Variants in RETREG3 observed in about 807,000 individuals in gnomAD.
RETREG3 encodes reticulophagy regulator family member 3, also known as reticulophagy regulator 3.
RETREG3 carries 23 observed loss-of-function variants against 50.2 expected under a neutral mutation model. That is an observed-to-expected ratio of 0.46 (90% CI 0.33 to 0.65). The LOEUF (loss-of-function observed/expected upper bound fraction) is 0.65, where lower values mean the gene tolerates loss of function less well. Ranked by LOEUF, RETREG3 falls within the 30% of genes least tolerant of loss-of-function variation. The probability of loss-of-function intolerance (pLI) is 0.02; values close to 1 mark genes in which losing one functional copy is unlikely to be tolerated. For missense variants in RETREG3, 546 were observed against 598.0 expected, an observed-to-expected ratio of 0.91 and a Z score of 0.91; for synonymous variants, 240 against 234.4, an observed-to-expected ratio of 1.02 and a Z score of -0.22.
At position 42,603,976 on chromosome 17, in the gene RETREG3, C is replaced by CA. The variant is rs771641680; in HGVS notation, c.239+5109dup. On this transcript the variant is annotated intron_variant, in intron 1 of 8. Coordinates refer to ENST00000309428, the MANE Select transcript of RETREG3 (RefSeq NM_178126.4). ...TGGGCGACAGAGCGAGACTCCGTCT[C>CA]AAAAAAAAAAAAAAGAAAAGAAATC... Among the ~76,000 whole-genome samples the CA allele has an allele frequency of 2.3e-3, 252 of 111,800 alleles. 2 individuals carry two copies. The highest frequency in any genetic ancestry group is 0.01 in the Middle Eastern group (2 of 194). 73.3% of individuals were successfully genotyped at this position (111,800 alleles called of 152,430 possible). A position where few individuals can be genotyped will look rare whatever the true frequency, so the allele number is the denominator to read the frequency against.
chr17:42,582,562 A>G (rs1014523139), intron 8 of RETREG3, 112 bp downstream of exon 8: 10 of 1,502,858 alleles, frequency 6.7e-6, no homozygotes, highest in Non-Finnish European at 8.1e-6. Context: ...CTGCCGCCTG[A>G]TCCATAGCTC....
chr17:42,607,629 A>AC (rs2093170528), intron 1 of RETREG3, among the ~76,000 whole-genome samples: 1 of 151,536 alleles, frequency 6.6e-6, no homozygotes, highest in Non-Finnish European at 1.5e-5. Context: ...ACATGGAGAA[A>AC]CCCCATCTCT....
chr17:42,583,595 CAA>C lies in RETREG3; in HGVS notation c.728-17_728-16del. 3 of 1,610,746 alleles carry C rather than the reference CAA, an allele frequency of 1.9e-6. No individual in the cohort carries two copies. Among genetic ancestry groups the C allele is most frequent in the African/African-American group, 1.3e-5 (1 of 74,948 alleles). On this transcript the variant is annotated splice_polypyrimidine_tract_variant and intron_variant, in intron 6 of 8. Coordinates refer to ENST00000309428, the MANE Select transcript of RETREG3 (RefSeq NM_178126.4). Reference sequence around the variant, plus strand: ...TCTGCGGCGTACTGTGGGAAGAGCACAAAGTCTTGCTTGATACCTTCTCCCAG... The same window carrying C: ...TCTGCGGCGTACTGTGGGAAGAGCACAGTCTTGCTTGATACCTTCTCCCAG...
At chr17:42,588,877 G>T (rs2093126650) in intron 2 of RETREG3, among the ~76,000 whole-genome samples, 1 of 152,058 alleles carries the variant, frequency 6.6e-6, no homozygotes, top group Admixed American at 6.5e-5. Context: ...GGCTGGTCTT[G>T]AACTCCTGAC....
chr17:42,587,577 C>T (rs1220801153), intron 3 of RETREG3: 1 of 449,214 alleles, frequency 2.2e-6, no homozygotes, highest in Non-Finnish European at 4.1e-6. Context: ...AATAATGCAG[C>T]TGATTCCCTG....
intron 1 of RETREG3, 192 bp downstream of exon 1, chr17:42,608,894 G>C (rs1283663301): frequency 1.7e-6 from 1 of 597,456 alleles, no homozygotes; most frequent in East Asian, 2.9e-5. Flanking sequence ...AGAGAAGATG[G>C]GTGGACGGCC....
At position 42,582,729 on chromosome 17, in the gene RETREG3, G is replaced by A. The variant is rs1293720470; in HGVS notation, c.888C>T (p.Asp296=). Reference sequence around the variant, plus strand: ...CCCTTGAAAGATTGAATGTGCCATTGTCTGTACAGGAGACTTCAGCGTCTG... The same window carrying A: ...CCCTTGAAAGATTGAATGTGCCATTATCTGTACAGGAGACTTCAGCGTCTG... ...EHSDAEVSCT[D]NGTFNLSRGQ... is the part of the protein sequence containing the mutation. Residue 296 remains aspartate (D), a synonymous_variant, in exon 8 of 9, where the codon GAC becomes GAT. Transcript: ENST00000309428. 1 of 1,614,252 alleles carries A rather than the reference G, an allele frequency of 6.2e-7. No homozygotes were observed. The highest frequency in any genetic ancestry group is 1.7e-5 in the Admixed American group (1 of 60,032).
At chr17:42,596,359 CAAAAAAAAAAAAAAAAAAAAAAAA>C (rs60457978) in intron 1 of RETREG3, among the ~76,000 whole-genome samples, 32 of 64,710 alleles carry the variant, frequency 4.9e-4, no homozygotes, top group Non-Finnish European at 6.6e-4. Flanking sequence ...GACCCTTTCT[CAAAAAAAAAAAAAAAAAAAAAAAA>C]AAAAAAAAAA....
rs148877628 is a variant in RETREG3, at chr17:42,586,860, C to T, written c.409G>A (p.Val137Met). 29 of 1,613,930 alleles carry T rather than the reference C, an allele frequency of 1.8e-5. No homozygotes were observed. The highest frequency in any genetic ancestry group is 1.7e-4 in the Middle Eastern group (1 of 6,044). ...GCTACATGGTGGCAGAGCTCGGGCA[C>T]GCTGAGCAACCGAGGGTGCACAAAG... ...WGFVHPRLLSVPELCHHVAEV... is the reference protein window; with the variant it reads ...WGFVHPRLLSMPELCHHVAEV... The change falls in exon 4 of 9, where the codon GTG becomes ATG. Residue 137 changes from valine to methionine, a missense_variant. Val to Met is a conservative substitution (Grantham distance 21, BLOSUM62 1). Transcript: ENST00000309428.
intron 1 of RETREG3, among the ~76,000 whole-genome samples, chr17:42,598,107 G>A (rs1407638255): frequency 6.8e-6 from 1 of 147,866 alleles, no homozygotes. Flanking sequence ...TCAGCCTCCC[G>A]AGTAGCTGGG....
rs761075391 is a variant in RETREG3 at position 42,609,108 on chromosome 17, G to A, written c.217C>T (p.Leu73=). ...ERPARSALWC[L]GLNAAFWFFA... ...CACCAGAAAGCCGCGTTCAGCCCCA[G>A]GCACCACAGAGCGCTCCTAGCTGGC... The change falls in exon 1 of 9, where the codon CTG becomes TTG. Residue 73 remains leucine, a synonymous_variant. Transcript: ENST00000309428. 6.2e-7 allele frequency: 1 copy of A among 1,607,822 alleles called. No homozygotes were observed. The highest frequency in any genetic ancestry group is 1.1e-5 in the South Asian group (1 of 91,018).
chr17:42,586,820 C>T lies in RETREG3; in HGVS notation c.449G>A (p.Ser150Asn), dbSNP rs202004998. 1 of 1,614,186 alleles carries T rather than the reference C, an allele frequency of 6.2e-7. No homozygotes were observed. ...AACATTCCTTATGAAAATGGTCCCA[C>T]TAACCCAGACTTCAGCTACATGGTG... Reference protein sequence around the residue: ...LCHHVAEVWVSGTIFIRNVLL... With the variant: ...LCHHVAEVWVNGTIFIRNVLL... The change falls in exon 4 of 9, where the codon AGT becomes AAT. Residue 150 changes from serine (S) to asparagine (N), a missense_variant. By Grantham distance (46) the Ser-to-Asn change is conservative (BLOSUM62 1). Coordinates refer to ENST00000309428, the MANE Select transcript of RETREG3 (RefSeq NM_178126.4).
At chr17:42,586,198 G>C in intron 4 of RETREG3, 61 bp from the exon 5 acceptor site, 1 of 1,511,412 alleles carries the variant, frequency 6.6e-7, no homozygotes, top group South Asian at 1.1e-5. Flanking sequence ...GGGTGGGTGT[G>C]AAGGGTTAGG....
chr17:42,587,603 G>A lies in RETREG3; in HGVS notation c.377+231C>T, dbSNP rs535635334. ...TGATTCCCTGGCATGTCAGGTTATG[G>A]GGCACTGTAATGCTTCTTTTTCAGA... On this transcript the variant is annotated intron_variant, in intron 3 of 8. Transcript: ENST00000309428. 15 of 518,012 alleles carry A rather than the reference G, an allele frequency of 2.9e-5. No individual in the cohort carries two copies. The South Asian group carries it at 3.4e-4, about 12-fold the overall frequency. The allele number at this position is 518,012 out of a possible 1,614,324, so 32.1% of individuals were successfully genotyped here. A position where few individuals can be genotyped will look rare whatever the true frequency, so the allele number is the denominator to read the frequency against.
intron 1 of RETREG3, among the ~76,000 whole-genome samples, chr17:42,595,203 G>A (rs2093141711): frequency 6.6e-6 from 1 of 151,732 alleles, no homozygotes; most frequent in Non-Finnish European, 1.5e-5. Context: ...TCTTGACCTC[G>A]TGATCTGCCT....
intron 1 of RETREG3, among the ~76,000 whole-genome samples, chr17:42,596,135 G>C (rs1252633823): frequency 6.6e-6 from 1 of 151,676 alleles, no homozygotes; most frequent in East Asian, 1.9e-4. Context: ...TTGGGAGGCT[G>C]AGGTGGGAGG....
chr17:42,589,648 G>A (rs1344334392), intron 2 of RETREG3, among the ~76,000 whole-genome samples: 6 of 152,000 alleles, frequency 3.9e-5, no homozygotes, highest in Admixed American at 3.3e-4. Context: ...TGTCCAGGCC[G>A]GTCTCAAATT....
chr17:42,599,735 G>A (rs1010388923), intron 1 of RETREG3, among the ~76,000 whole-genome samples: 4 of 151,208 alleles, frequency 2.6e-5, no homozygotes, highest in African/African-American at 9.7e-5. Context: ...GCTCACGTCT[G>A]TAATCCCAGC....
intron 5 of RETREG3, 44 bp downstream of exon 5, chr17:42,586,009 A>T: frequency 6.3e-7 from 1 of 1,581,054 alleles, no homozygotes; most frequent in Non-Finnish European, 8.7e-7. Context: ...TTGGAAAGCT[A>T]TGAGCAGGGT....
Sources: gnomAD v4.1 joint callset for allele counts (sites outside exome capture counted in the v4.1 genomes callset) on GRCh38, gnomAD v4.1.1 for gene constraint, MANE v1.5 for transcripts, NCBI Gene and HGNC (gene_info 2026-07-23, HGNC 2026-07-21) for gene names.